Variants in EXOC4 observed in about 807,000 individuals in gnomAD.
The protein encoded by EXOC4 is SEC8-like 1.
EXOC4 carries 71 observed loss-of-function variants against 107.2 expected under a neutral mutation model. That is an observed-to-expected ratio of 0.66 (90% CI 0.55 to 0.81). The LOEUF (loss-of-function observed/expected upper bound fraction) is 0.81, where lower values mean the gene tolerates loss of function less well. Ranked by LOEUF, EXOC4 falls within the 30% of genes least tolerant of loss-of-function variation. The pLI is 0.00. For missense variants in EXOC4, 1,108 were observed against 1,189.6 expected, an observed-to-expected ratio of 0.93 and a Z score of 1.01; for synonymous variants, 456 against 441.2, an observed-to-expected ratio of 1.03 and a Z score of -0.42.
chr7:134,023,275 A>G (rs1795067075), intron 17 of EXOC4, among the ~76,000 whole-genome samples: 1 of 152,194 alleles, frequency 6.6e-6, no homozygotes, highest in Non-Finnish European at 1.5e-5. Flanking sequence ...GTAACTCAAT[A>G]TGATATATCT....
intron 9 of EXOC4, among the ~76,000 whole-genome samples, chr7:133,607,339 C>T (rs1585028747): frequency 6.6e-6 from 1 of 152,288 alleles, no homozygotes; most frequent in East Asian, 1.9e-4. Flanking sequence ...AGTAAAGGCA[C>T]ATTGCAGTTT....
intron 9 of EXOC4, among the ~76,000 whole-genome samples, chr7:133,584,578 TTTTTTTG>T (rs1196432212): frequency 1.5e-5 from 2 of 134,280 alleles, no homozygotes; most frequent in Admixed American, 7.4e-5. Flanking sequence ...ATTTCAGTTT[TTTTTTTG>T]TTTTTTTTTT....
intron 11 of EXOC4, among the ~76,000 whole-genome samples, chr7:133,840,636 C>T (rs1798006900): frequency 1.3e-5 from 2 of 152,028 alleles, no homozygotes; most frequent in Admixed American, 6.5e-5. Flanking sequence ...GCACGCTCCA[C>T]CACACCTGGC....
At chr7:133,437,535 G>A (rs1413488140) in intron 7 of EXOC4, among the ~76,000 whole-genome samples, 1 of 152,120 alleles carries the variant, frequency 6.6e-6, no homozygotes, top group African/African-American at 2.4e-5. Context: ...CAGTGCTATT[G>A]GTTTCACCAC....
At chr7:133,863,222 A>G (rs1015619912) in intron 11 of EXOC4, among the ~76,000 whole-genome samples, 14 of 152,176 alleles carry the variant, frequency 9.2e-5, no homozygotes, top group East Asian at 7.7e-4. Context: ...TTGCAGGGCT[A>G]TGGGGGAAGG....
At chr7:133,541,666 A>AT (rs774331809) in intron 9 of EXOC4, among the ~76,000 whole-genome samples, 59 of 151,464 alleles carry the variant, frequency 3.9e-4, no homozygotes, top group Non-Finnish European at 7.2e-4. Context: ...TGCGTGGCTA[A>AT]TTTTTTGTAT....
intron 14 of EXOC4, among the ~76,000 whole-genome samples, chr7:133,991,737 C>T (rs1488396406): frequency 6.6e-6 from 1 of 152,070 alleles, no homozygotes; most frequent in Non-Finnish European, 1.5e-5. Context: ...GTTCTTGGTG[C>T]CTTTGTCAAA....
intron 9 of EXOC4, among the ~76,000 whole-genome samples, chr7:133,509,427 A>G (rs921502797): frequency 2.1e-5 from 3 of 139,996 alleles, no homozygotes; most frequent in Non-Finnish European, 4.6e-5. Context: ...GACTCCGTCT[A>G]AAAAAAAAAA....
At position 133,994,781 on chromosome 7, in the gene EXOC4, G is replaced by A. The variant is rs567371634; in HGVS notation, c.2207-2711G>A. 7.9e-5 allele frequency among the ~76,000 whole-genome samples: 12 copies of A among 152,160 alleles called. No homozygotes were observed. The South Asian group carries it at 2.5e-3, about 32-fold the overall frequency. On this transcript the variant is annotated intron_variant, in intron 14 of 17. Transcript: ENST00000253861. ...TTTGTGTGTGTGTGTGTGTGTGTGT[G>A]TGTGTGTTTCTAGTAATCTCATACC...
intron 7 of EXOC4, among the ~76,000 whole-genome samples, chr7:133,450,020 C>A (rs1447692543): frequency 1.3e-5 from 2 of 151,786 alleles, no homozygotes; most frequent in African/African-American, 2.4e-5. Context: ...TTCCCTTGTC[C>A]CCTCTTTAAA....
intron 10 of EXOC4, among the ~76,000 whole-genome samples, chr7:133,671,963 A>G (rs1562901161): frequency 6.6e-6 from 1 of 152,172 alleles, no homozygotes; most frequent in African/African-American, 2.4e-5. Context: ...GTTGAAGTAC[A>G]TGACACTAAA....
intron 1 of EXOC4, among the ~76,000 whole-genome samples, chr7:133,255,579 T>C (rs928862116): frequency 2.0e-5 from 3 of 152,228 alleles, no homozygotes; most frequent in African/African-American, 7.2e-5. Context: ...CCTAGTATCC[T>C]GGGCAAGTTT....
At chr7:133,427,594 T>C (rs1469365012) in intron 7 of EXOC4, among the ~76,000 whole-genome samples, 3 of 152,210 alleles carry the variant, frequency 2.0e-5, no homozygotes, top group Admixed American at 1.3e-4. Context: ...ATTTTTGCCA[T>C]CTACAAGTGC....
intron 9 of EXOC4, among the ~76,000 whole-genome samples, chr7:133,522,712 G>A (rs998350192): frequency 1.3e-5 from 2 of 152,018 alleles, no homozygotes; most frequent in African/African-American, 2.4e-5. Flanking sequence ...TTCTTTGTTG[G>A]AAGAGAGGGT....
intron 3 of EXOC4, among the ~76,000 whole-genome samples, chr7:133,302,876 C>T (rs1794670626): frequency 1.3e-5 from 2 of 152,174 alleles, no homozygotes; most frequent in African/African-American, 4.8e-5. Flanking sequence ...GTAGTCATTA[C>T]ATTTGGAAAA....
intron 14 of EXOC4, among the ~76,000 whole-genome samples, chr7:133,989,252 C>T (rs1384687335): frequency 6.6e-6 from 1 of 152,106 alleles, no homozygotes; most frequent in Non-Finnish European, 1.5e-5. Context: ...GGATAGAGAA[C>T]AGATGCTAAA....
At chr7:133,491,220 T>C (rs1246343847) in intron 9 of EXOC4, among the ~76,000 whole-genome samples, 1 of 152,254 alleles carries the variant, frequency 6.6e-6, no homozygotes, top group Non-Finnish European at 1.5e-5. Context: ...GACATGAATA[T>C]TGTAATAGTC....
At chr7:134,100,884 C>A in the EXOC4 span, among the ~76,000 whole-genome samples, 3,437 of 126,772 alleles carry the variant, frequency 0.027, 826 homozygotes, top group Non-Finnish European at 0.042. Context: ...GTGGAGGTTG[C>A]AGTGAGCCGA....
intron 10 of EXOC4, among the ~76,000 whole-genome samples, chr7:133,751,179 C>G (rs1456323809): frequency 6.6e-6 from 1 of 152,172 alleles, no homozygotes; most frequent in Non-Finnish European, 1.5e-5. Context: ...TTGTCTTTCT[C>G]CTTTTCCAAC....
Sources: allele counts gnomAD v4.1 joint callset (sites outside exome capture counted in the v4.1 genomes callset), GRCh38; gene constraint gnomAD v4.1.1; transcripts MANE v1.5; gene names NCBI Gene and HGNC (gene_info 2026-07-23, HGNC 2026-07-21).